Variants in PTTG1IP observed in about 807,000 individuals in gnomAD.
PTTG1IP encodes pituitary tumor-transforming gene 1 protein-interacting protein.
Under a neutral mutation model 24.4 loss-of-function variants are expected in PTTG1IP, and 16 were observed. That is an observed-to-expected ratio of 0.66 (90% confidence interval 0.44 to 1.00). The LOEUF (loss-of-function observed/expected upper bound fraction) is 1.00, where lower values mean the gene tolerates loss of function less well. Among genes scored for constraint, PTTG1IP ranks in the 50% least tolerant of loss-of-function variants. The pLI is 0.00. For missense variants in PTTG1IP, 241 were observed against 245.8 expected (o/e 0.98, Z 0.13); for synonymous variants, 89 against 96.8 (o/e 0.92, Z 0.47).
chr21:44,861,404 G>A lies in PTTG1IP; in HGVS notation c.169-133C>T. The stretch of plus-strand genomic sequence containing the variant: ...GTAAAGGCTCAACCTCCCCCTCAAC[G>A]CCTCATCTCTGCCTTCACCCTCAGC... On this transcript the variant is annotated intron_variant, in intron 2 of 5. Transcript: ENST00000330938. 2.2e-5 allele frequency: 15 copies of A among 691,314 alleles called. No homozygotes were observed. In the South Asian group the frequency reaches 2.4e-4, roughly 11 times the overall value. The allele number at this position is 691,314 out of a possible 1,614,324, so 42.8% of individuals were successfully genotyped here.
intron 2 of PTTG1IP, chr21:44,861,784 A>G (rs1371708508): frequency 4.2e-6 from 3 of 717,550 alleles, no homozygotes; most frequent in South Asian, 3.0e-5. Flanking sequence ...GCACCTGTGC[A>G]CTTCACTGGC....
chr21:44,861,900 C>T lies in PTTG1IP; in HGVS notation c.169-629G>A, dbSNP rs117047145. On this transcript the variant is annotated intron_variant, in intron 2 of 5. Coordinates refer to ENST00000330938, the MANE Select transcript of PTTG1IP (RefSeq NM_004339.4). ...CATGGTCACCATCTGTAGCAAGGAC[C>T]ATGCTTCCTACCTCTGACCTTCACA... is the stretch of plus-strand genomic sequence containing the variant. 1,669 of 713,978 alleles carry T rather than the reference C, an allele frequency of 2.3e-3. 18 individuals are homozygous for T. Among genetic ancestry groups the T allele is most frequent in the South Asian group, 0.013 (867 of 67,436 alleles). The allele number at this position is 713,978 out of a possible 1,614,324, so 44.2% of individuals were successfully genotyped here.
chr21:44,865,511 G>C (rs147565593), intron 1 of PTTG1IP, 64 bp from the exon 2 acceptor site: 13 of 1,554,690 alleles, frequency 8.4e-6, no homozygotes, highest in Non-Finnish European at 1.2e-5. Flanking sequence ...TATTAGTCCA[G>C]CAGGGCAGGG....
intron 1 of PTTG1IP, among the ~76,000 whole-genome samples, chr21:44,867,646 C>T (rs1194257268): frequency 3.9e-5 from 6 of 152,232 alleles, no homozygotes; most frequent in Admixed American, 3.3e-4. Context: ...CTGATGCTCA[C>T]GTCTGTGACT....
rs538543975 is a variant in PTTG1IP, at chr21:44,856,299, T to C, written c.343A>G (p.Ile115Val). ...CTCCTGCAGCAGCAGCAGCAGCAGA[T>C]GGCAATGCCCAGGAGGAGGGTTCCC... is the stretch of plus-strand genomic sequence containing the variant. ...VGGTLLLGIA[I>V]CCCCCCRRKR... Residue 115 changes from isoleucine to valine, a missense_variant, in exon 4 of 6, where the codon ATC becomes GTC. By Grantham distance (29) the Ile-to-Val change is conservative. Transcript: ENST00000330938. 2.2e-5 allele frequency: 36 copies of C among 1,614,174 alleles called. No individual in the cohort carries two copies. In the East Asian group the frequency reaches 6.9e-4, roughly 31 times the overall value.
intron 1 of PTTG1IP, among the ~76,000 whole-genome samples, chr21:44,868,568 G>A (rs1362773833): frequency 2.0e-5 from 3 of 152,178 alleles, no homozygotes; most frequent in African/African-American, 7.2e-5. Flanking sequence ...AGAGGACCCA[G>A]AAGCCAGCCT....
In PTTG1IP at chr21:44,849,617, T is replaced by C. The variant is rs780175176; in HGVS notation, c.*1964A>G. 5.9e-5 allele frequency: 9 copies of C among 152,658 alleles called. No individual in the cohort carries two copies. The highest frequency in any genetic ancestry group is 9.6e-5 in the African/African-American group (4 of 41,454). 9.5% of individuals were successfully genotyped at this position (152,658 alleles called of 1,614,324 possible). ...CACACGCAGGTAGTAAACCGTTTTA[T>C]TGGAAACTGGTTAAAAATTAAGGCA... On this transcript the variant is annotated 3_prime_UTR_variant, in exon 6 of 6. Transcript: ENST00000330938.
intron 1 of PTTG1IP, among the ~76,000 whole-genome samples, chr21:44,867,740 G>A (rs544877995): frequency 7.9e-5 from 12 of 152,342 alleles, no homozygotes; most frequent in South Asian, 2.1e-4. Flanking sequence ...CTGAAGTGGC[G>A]GGTATACAAG....
rs1020439642 is a variant in PTTG1IP, at chr21:44,851,399, C to T, written c.*182G>A. Reference sequence around the variant, plus strand: ...CAGAGATGAACAGGGAATAGAAGGTCACCAGTCTGCAAGACGAGAGGACTG... The same window carrying T: ...CAGAGATGAACAGGGAATAGAAGGTTACCAGTCTGCAAGACGAGAGGACTG... On this transcript the variant is annotated 3_prime_UTR_variant, in exon 6 of 6. Transcript: ENST00000330938. 25 of 1,556,934 alleles carry T rather than the reference C, an allele frequency of 1.6e-5. No individual in the cohort carries two copies. The highest frequency in any genetic ancestry group is 1.9e-5 in the Non-Finnish European group (22 of 1,154,640).
At chr21:44,872,015 G>A (rs1471017779) in intron 1 of PTTG1IP, among the ~76,000 whole-genome samples, 1 of 152,198 alleles carries the variant, frequency 6.6e-6, no homozygotes, top group Non-Finnish European at 1.5e-5. Context: ...CTTCAGCAGT[G>A]CAGAGCAGGA....
rs757459689 is a variant in PTTG1IP at position 44,873,643 on chromosome 21, T to C, written c.-27A>G. On this transcript the variant is annotated 5_prime_UTR_variant, in exon 1 of 6. Transcript: ENST00000330938. ...GTCGGCCGGTCGCTCTATCAGTCAG[T>C]GGAGCGTTACAACTCCGACTCCAGC... 22 of 1,384,776 alleles carry C rather than the reference T, an allele frequency of 1.6e-5. No homozygotes were observed. The South Asian group carries it at 2.1e-4, about 13-fold the overall frequency. 85.8% of individuals were successfully genotyped at this position (1,384,776 alleles called of 1,614,324 possible).
intron 1 of PTTG1IP, among the ~76,000 whole-genome samples, chr21:44,868,297 T>C (rs2083558749): frequency 6.6e-6 from 1 of 152,176 alleles, no homozygotes; most frequent in African/African-American, 2.4e-5. Flanking sequence ...GGTGCTGCAA[T>C]GTGACGGGCA....
At chr21:44,853,032 C>T (rs1263415397) in intron 5 of PTTG1IP, among the ~76,000 whole-genome samples, 1 of 152,356 alleles carries the variant, frequency 6.6e-6, no homozygotes, top group East Asian at 1.9e-4. Context: ...GGCCCTGACA[C>T]AGAAGACACC....
intron 3 of PTTG1IP, among the ~76,000 whole-genome samples, chr21:44,860,592 G>T (rs944922261): frequency 2.0e-5 from 3 of 152,082 alleles, no homozygotes; most frequent in Non-Finnish European, 4.4e-5. Context: ...AGTCAAACAC[G>T]TTGCCTTCAA....
rs2083399505 is a variant in PTTG1IP at position 44,849,963 on chromosome 21, T to C, written c.*1618A>G. 1 of 152,230 alleles carries C rather than the reference T, an allele frequency of 6.6e-6. No individual in the cohort carries two copies. Among genetic ancestry groups the C allele is most frequent in the Non-Finnish European group, 1.5e-5 (1 of 68,040 alleles). The allele number at this position is 152,230 out of a possible 1,614,324, so 9.4% of individuals were successfully genotyped here. A position where few individuals can be genotyped will look rare whatever the true frequency, so the allele number is the denominator to read the frequency against. On this transcript the variant is annotated 3_prime_UTR_variant, in exon 6 of 6. Coordinates refer to ENST00000330938, the MANE Select transcript of PTTG1IP (RefSeq NM_004339.4). The stretch of plus-strand genomic sequence containing the variant: ...CTTAGGAATCTCTGCAATACTTTAC[T>C]ACAAATACAAATGCCCAAGAGGTCA...
intron 1 of PTTG1IP, among the ~76,000 whole-genome samples, chr21:44,871,574 G>A (rs2083586015): frequency 6.6e-6 from 1 of 152,196 alleles, no homozygotes; most frequent in Admixed American, 6.5e-5. Flanking sequence ...TTGGTATAAT[G>A]TATTCTCTAA....
chr21:44,861,380 T>C (rs935991930), intron 2 of PTTG1IP, 109 bp from the exon 3 acceptor site: 5 of 916,228 alleles, frequency 5.5e-6, no homozygotes, highest in Non-Finnish European at 6.7e-6. Context: ...TGGATGGCTG[T>C]AAAGGCTCAA....
chr21:44,852,449 G>C (rs1444461447), intron 5 of PTTG1IP, among the ~76,000 whole-genome samples: 1 of 152,084 alleles, frequency 6.6e-6, no homozygotes, highest in East Asian at 1.9e-4. Context: ...CCAAAGTGTT[G>C]GGATTACAGG....
chr21:44,853,246 G>A (rs1350662382), intron 5 of PTTG1IP, among the ~76,000 whole-genome samples: 4 of 152,202 alleles, frequency 2.6e-5, no homozygotes, highest in Non-Finnish European at 2.9e-5. Flanking sequence ...GGTGGCTCAT[G>A]CCTATAATCC....
Sources: allele counts gnomAD v4.1 joint callset (sites outside exome capture counted in the v4.1 genomes callset), GRCh38; gene constraint gnomAD v4.1.1; transcripts MANE v1.5; gene names NCBI Gene and HGNC (gene_info 2026-07-23, HGNC 2026-07-21).